Variants in HACL1 observed in about 807,000 individuals in gnomAD.
HACL1 encodes the protein 2-hydroxyacyl-CoA lyase 1, also known as 1600020H07Rik.
A neutral mutation model predicts 74.2 loss-of-function variants in HACL1; 64 were observed. The ratio of observed to expected loss-of-function variants is 0.86; its 90% CI spans 0.70 to 1.06. The LOEUF is 1.06. HACL1 is among the 50% of genes least tolerant of loss of function. HACL1 has a pLI of 0.00. For synonymous variants in HACL1, 230 were observed against 238.8 expected (o/e 0.96, Z 0.34); for missense variants, 728 against 719.7 (o/e 1.01, Z -0.13).
Position 15,582,811 on chromosome 3 carries a change from G to T in HACL1, c.667+66C>A, listed in dbSNP as rs1037808164. 4 of 762,400 alleles carry T rather than the reference G, an allele frequency of 5.2e-6. No individual in the cohort carries two copies. The Admixed American group carries it at 6.6e-5, about 13-fold the overall frequency. 47.2% of individuals were successfully genotyped at this position (762,400 alleles called of 1,614,324 possible). A position where few individuals can be genotyped will look rare whatever the true frequency, so the allele number is the denominator to read the frequency against. ...ATTAGAATAGACATTAATAAACAAT[G>T]AAAGTTTGTAAAAAGAATTGGCACT... On this transcript the variant is annotated intron_variant, in intron 8 of 16. Transcript: ENST00000321169.
intron 12 of HACL1, among the ~76,000 whole-genome samples, 178 bp from the exon 13 acceptor site, chr3:15,568,764 G>A (rs751456852): frequency 2.2e-4 from 34 of 152,194 alleles, no homozygotes; most frequent in Admixed American, 1.8e-3. Flanking sequence ...AGCCCTGGGG[G>A]ACATGTGTAC....
chr3:15,589,660 T>C (rs371561150), intron 4 of HACL1, 48 bp from the exon 5 acceptor site: 21 of 1,066,062 alleles, frequency 2.0e-5, no homozygotes, highest in Admixed American at 1.1e-4. Context: ...TAGATCATCA[T>C]GTAAAACACT....
At chr3:15,600,788 T>G (rs1485442946) in intron 2 of HACL1, 1 of 424,132 alleles carries the variant, frequency 2.4e-6, no homozygotes, top group Non-Finnish European at 4.3e-6. Context: ...ACTCATAAAC[T>G]GTCCATTCCA....
chr3:15,568,869 A>G (rs1244234393), intron 12 of HACL1, among the ~76,000 whole-genome samples: 4 of 152,244 alleles, frequency 2.6e-5, no homozygotes, highest in African/African-American at 9.6e-5. Context: ...GACATTGAGA[A>G]GTCCTACAGT....
chr3:15,568,658 T>C, intron 12 of HACL1, 72 bp from the exon 13 acceptor site: 3 of 858,044 alleles, frequency 3.5e-6, no homozygotes, highest in Non-Finnish European at 5.5e-6. Context: ...AATAAGATGC[T>C]ATCAAACTTA....
Position 15,601,169 on chromosome 3 carries a change from A to T in HACL1, c.107T>A (p.Val36Glu), listed in dbSNP as rs199662479. ...TQDVEYIFGI[V>E]GIPVTEIAIA... ...GGCGATTTCGGTCACTGGGATGCCTACGATGCCAAATATGTACTCCACATC... is the reference window on the plus strand; with the variant it reads ...GGCGATTTCGGTCACTGGGATGCCTTCGATGCCAAATATGTACTCCACATC... Residue 36 changes from valine (V) to glutamate (E), a missense_variant, in exon 2 of 17, where the codon GTA becomes GAA. Val to Glu is a moderately radical substitution (Grantham distance 121, BLOSUM62 -2). Coordinates refer to ENST00000321169, the MANE Select transcript of HACL1 (RefSeq NM_012260.4). The T allele has an allele frequency of 5.6e-6, 9 of 1,613,370 alleles. No homozygotes were observed. The African/African-American group carries it at 1.2e-4, about 22-fold the overall frequency.
intron 12 of HACL1, 40 bp from the exon 13 acceptor site, chr3:15,568,626 T>C (rs1427960914): frequency 4.3e-6 from 5 of 1,154,484 alleles, no homozygotes; most frequent in African/African-American, 1.5e-5. Flanking sequence ...TAAATTGGGA[T>C]ACAATGAAAA....
In HACL1 at chr3:15,601,189, C is replaced by T. The variant is rs1285856879; in HGVS notation, c.87G>A (p.Val29=). ...TGCCTACGATGCCAAATATGTACTC[C>T]ACATCCTGAGGAACGAAGAACAGGG... The part of the protein sequence containing the change: ...VIAQALKTQD[V]EYIFGIVGIP... Residue 29 remains valine, a synonymous_variant, in exon 2 of 17, where the codon GTG becomes GTA. Transcript: ENST00000321169. 4.3e-6 allele frequency: 7 copies of T among 1,610,996 alleles called. No individual in the cohort carries two copies. In the African/African-American group the frequency reaches 6.7e-5, roughly 15 times the overall value.
intron 8 of HACL1, 26 bp from the exon 9 acceptor site, chr3:15,580,071 C>T: frequency 6.3e-7 from 1 of 1,598,952 alleles, no homozygotes; most frequent in Non-Finnish European, 8.6e-7. Flanking sequence ...ATGTATTGGA[C>T]AATTCAGTTA....
chr3:15,570,152 T>G (rs1052697170), intron 12 of HACL1, among the ~76,000 whole-genome samples: 1 of 152,000 alleles, frequency 6.6e-6, no homozygotes, highest in African/African-American at 2.4e-5. Context: ...CTGGCCAACA[T>G]GGTGAAACTC....
chr3:15,578,862 C>A (rs914053701), intron 9 of HACL1, among the ~76,000 whole-genome samples: 1 of 152,016 alleles, frequency 6.6e-6, no homozygotes, highest in Non-Finnish European at 1.5e-5. Flanking sequence ...TATAAGGGAG[C>A]AGCAAGAGCC....
Position 15,574,978 on chromosome 3 carries a change from T to A in HACL1, c.908A>T (p.Gln303Leu). 1 of 1,416,010 alleles carries A rather than the reference T, an allele frequency of 7.1e-7. No homozygotes were observed. Among genetic ancestry groups the A allele is most frequent in the Non-Finnish European group, 1.0e-6 (1 of 1,001,858 alleles). 87.7% of individuals were successfully genotyped at this position (1,416,010 alleles called of 1,614,324 possible). The part of the protein sequence containing the change: ...PRYQPDVKFI[Q>L]VDICAEELGN... ...TTTAAGTTCCTCCTCTCTAAGTACC[T>A]GGATAAACTTCACATCTGGCTGATA... is the stretch of plus-strand genomic sequence containing the variant. Residue 303 changes from glutamine to leucine, a missense_variant and splice_region_variant, in exon 10 of 17, where the codon CAG (glutamine) becomes CTG (leucine). Transcript: ENST00000321169.
At chr3:15,585,382 TCAG>T in intron 6 of HACL1, 40 bp from the exon 7 acceptor site, 1 of 1,070,764 alleles carries the variant, frequency 9.3e-7, no homozygotes, top group Non-Finnish European at 1.4e-6. Flanking sequence ...TTGTAAAATC[TCAG>T]TCTTATCATA....
intron 12 of HACL1, 41 bp downstream of exon 12, chr3:15,571,627 G>T: frequency 1.2e-6 from 1 of 857,928 alleles, no homozygotes; most frequent in Non-Finnish European, 2.0e-6. Context: ...ACTGAATCAT[G>T]AGCCTGACCT....
intron 3 of HACL1, among the ~76,000 whole-genome samples, chr3:15,592,557 C>A (rs1252750227): frequency 1.4e-5 from 2 of 147,492 alleles, no homozygotes; most frequent in African/African-American, 2.5e-5. Context: ...CACATGTGTG[C>A]GTGTATACAC....
rs2063430559 is a variant in HACL1 at position 15,566,138 on chromosome 3, G to A, written c.1410-1480C>T. ...AACTATACCTTCCCAAATCTTGAAC[G>A]TTTTATCTACCAAAGCTTTGCCAAC... is the stretch of plus-strand genomic sequence containing the variant. On this transcript the variant is annotated intron_variant, in intron 14 of 16. Coordinates refer to ENST00000321169, the MANE Select transcript of HACL1 (RefSeq NM_012260.4). Among the ~76,000 whole-genome samples the A allele has an allele frequency of 2.0e-5, 3 of 152,118 alleles. No individual in the cohort carries two copies. In the South Asian group the frequency reaches 6.2e-4, roughly 32 times the overall value.
intron 15 of HACL1, among the ~76,000 whole-genome samples, chr3:15,563,924 A>G (rs548854242): frequency 3.6e-4 from 55 of 152,378 alleles, no homozygotes; most frequent in African/African-American, 1.1e-3. Flanking sequence ...CTACTATACT[A>G]GACAGCACAG....
intron 3 of HACL1, among the ~76,000 whole-genome samples, chr3:15,593,785 T>G (rs1375615668): frequency 5.6e-5 from 7 of 124,148 alleles, no homozygotes; most frequent in East Asian, 4.9e-4. Context: ...GTTTTGTGTT[T>G]TTTTTTTTGT....
intron 1 of HACL1, 64 bp downstream of exon 1, chr3:15,601,319 A>G: frequency 6.2e-7 from 1 of 1,607,668 alleles, no homozygotes. Flanking sequence ...CTCGTCTCCA[A>G]GACAACATCG....
Sources: allele counts gnomAD v4.1 joint callset (sites outside exome capture counted in the v4.1 genomes callset), GRCh38; gene constraint gnomAD v4.1.1; transcripts MANE v1.5; gene names NCBI Gene and HGNC (gene_info 2026-07-23, HGNC 2026-07-21).